The following CD38 variants were observed in gnomAD, a reference collection of about 807,000 sequenced individuals.
CD38 encodes ADP-ribosyl cyclase/cyclic ADP-ribose hydrolase 1.
CD38 carries 31 observed loss-of-function variants against 36.3 expected under a neutral mutation model. That is an observed-to-expected ratio of 0.85 (90% CI 0.64 to 1.15). The LOEUF (loss-of-function observed/expected upper bound fraction) is 1.15, where lower values mean the gene tolerates loss of function less well. Among genes scored for constraint, CD38 ranks in the 50% most tolerant of loss-of-function variants. CD38 has a pLI of 0.00. For missense variants in CD38, 380 were observed against 371.9 expected (o/e 1.02, Z -0.18); for synonymous variants, 131 against 135.2 (o/e 0.97, Z 0.22).
intron 1 of CD38, among the ~76,000 whole-genome samples, chr4:15,787,053 A>G (rs1364888153): frequency 6.6e-6 from 1 of 152,222 alleles, no homozygotes; most frequent in Non-Finnish European, 1.5e-5. Flanking sequence ...GCCCACGCCC[A>G]CCTGGAACTC....
Position 15,783,009 on chromosome 4 carries a change from T to C in CD38, c.233+4362T>C, listed in dbSNP as rs369514108. On this transcript the variant is annotated intron_variant, in intron 1 of 7. Coordinates refer to ENST00000226279, the MANE Select transcript of CD38 (RefSeq NM_001775.4). ...GTTCTTGGCGTTACCAGGTTGGTTC[T>C]TTGAGTTGAACCAGGGGCATTACAT... Among the ~76,000 whole-genome samples the C allele has an allele frequency of 1.1e-4, 17 of 152,244 alleles. No individual in the cohort carries two copies. The East Asian group carries it at 2.7e-3, about 24-fold the overall frequency.
At chr4:15,813,338 GT>G (rs999647195) in intron 1 of CD38, among the ~76,000 whole-genome samples, 5 of 151,932 alleles carry the variant, frequency 3.3e-5, no homozygotes, top group Non-Finnish European at 7.4e-5. Context: ...GTTGGATTTT[GT>G]TAATATTTTT....
chr4:15,841,712 G>GCGAGC (rs1287199015), intron 7 of CD38, among the ~76,000 whole-genome samples: 4 of 149,234 alleles, frequency 2.7e-5, no homozygotes, highest in Non-Finnish European at 5.9e-5. Context: ...CACACCGTGC[G>GCGAGC]CGAGCCGAAG....
intron 3 of CD38, among the ~76,000 whole-genome samples, chr4:15,829,396 A>G (rs1271026313): frequency 6.6e-6 from 1 of 152,118 alleles, no homozygotes; most frequent in African/African-American, 2.4e-5. Flanking sequence ...TAGTTATTTT[A>G]AAACAGGGGT....
intron 2 of CD38, 24 bp downstream of exon 2, chr4:15,816,664 T>G: frequency 1.2e-6 from 2 of 1,612,476 alleles, no homozygotes; most frequent in Non-Finnish European, 1.7e-6. Context: ...TGCCATTGAT[T>G]TTAAAACTGG....
chr4:15,806,779 T>G (rs557332367), intron 1 of CD38, among the ~76,000 whole-genome samples: 1 of 152,164 alleles, frequency 6.6e-6, no homozygotes, highest in African/African-American at 2.4e-5. Context: ...ATCTTGACAT[T>G]TGTGCCCATC....
At chr4:15,788,441 G>A (rs905412021) in intron 1 of CD38, among the ~76,000 whole-genome samples, 2 of 152,076 alleles carry the variant, frequency 1.3e-5, no homozygotes, top group Non-Finnish European at 2.9e-5. Flanking sequence ...TCAGTCCTGG[G>A]AGCTTACTTT....
intron 7 of CD38, among the ~76,000 whole-genome samples, chr4:15,841,472 CCATGAG>C (rs1394995007): frequency 6.6e-6 from 1 of 152,184 alleles, no homozygotes; most frequent in South Asian, 2.1e-4. Flanking sequence ...CCAGAAAAGG[CCATGAG>C]CATTCTACAG....
At chr4:15,824,582 C>T (rs555076381) in intron 2 of CD38, among the ~76,000 whole-genome samples, 49 of 152,182 alleles carry the variant, frequency 3.2e-4, no homozygotes, top group Middle Eastern at 3.4e-3. Flanking sequence ...ATGCCACCTC[C>T]ATATGTGATC....
At chr4:15,779,093 A>G (rs1722630453) in intron 1 of CD38, among the ~76,000 whole-genome samples, 1 of 152,048 alleles carries the variant, frequency 6.6e-6, no homozygotes. Flanking sequence ...CTGACCCGAA[A>G]GTGCCCCCGG....
At chr4:15,839,334 T>A (rs1299036122) in intron 5 of CD38, among the ~76,000 whole-genome samples, 3 of 152,006 alleles carry the variant, frequency 2.0e-5, no homozygotes, top group Non-Finnish European at 4.4e-5. Flanking sequence ...CCTCTCAAAC[T>A]TCACTGAGCA....
At chr4:15,782,975 T>C (rs3756243) in intron 1 of CD38, among the ~76,000 whole-genome samples, 15,780 of 152,160 alleles carry the variant, frequency 0.1, 1,411 homozygotes, top group African/African-American at 0.24. Context: ...TAGGTGAGTA[T>C]TGAAGCTTGT....
intron 5 of CD38, 147 bp downstream of exon 5, chr4:15,838,312 G>T: frequency 1.5e-6 from 1 of 660,624 alleles, no homozygotes; most frequent in South Asian, 1.9e-5. Context: ...GAATTCCGTG[G>T]AGAGAGTTGT....
chr4:15,823,339 A>G (rs1723779978), intron 2 of CD38, among the ~76,000 whole-genome samples: 1 of 152,272 alleles, frequency 6.6e-6, no homozygotes, highest in African/African-American at 2.4e-5. Context: ...TAATTAAACT[A>G]AAGTGCTTCT....
chr4:15,798,958 T>C (rs1466564891), intron 1 of CD38, among the ~76,000 whole-genome samples: 1 of 152,182 alleles, frequency 6.6e-6, no homozygotes, highest in African/African-American at 2.4e-5. Context: ...GCAAATAAAG[T>C]CTCCCAGTCT....
intron 1 of CD38, among the ~76,000 whole-genome samples, chr4:15,781,470 T>C (rs1044843247): frequency 6.6e-6 from 1 of 152,214 alleles, no homozygotes; most frequent in African/African-American, 2.4e-5. Flanking sequence ...CTTATATCAT[T>C]GTGAAGTCGG....
chr4:15,839,977 G>A (rs1368391171), intron 5 of CD38, 49 bp from the exon 6 acceptor site: 3 of 1,286,512 alleles, frequency 2.3e-6, no homozygotes, highest in African/African-American at 2.9e-5. Flanking sequence ...GGGTGTGGAT[G>A]CTTTCGTTTG....
At chr4:15,826,317 G>A (rs560318218) in intron 3 of CD38, among the ~76,000 whole-genome samples, 23 of 152,202 alleles carry the variant, frequency 1.5e-4, no homozygotes, top group African/African-American at 5.1e-4. Flanking sequence ...TGTGCAACTT[G>A]CTTTATTCAC....
rs1199295684 is a variant in CD38, at chr4:15,850,144, A to G, written c.*1542A>G. 1 of 152,054 alleles carries G rather than the reference A, an allele frequency of 6.6e-6. No individual in the cohort carries two copies. 9.4% of individuals were successfully genotyped at this position (152,054 alleles called of 1,614,324 possible). ...GAATAACAGTGAGACATTATCTCCA[A>G]AAAAATTACCTGGGTATGGTGTTGT... On this transcript the variant is annotated 3_prime_UTR_variant, in exon 8 of 8. Coordinates refer to ENST00000226279, the MANE Select transcript of CD38 (RefSeq NM_001775.4).
Sources: allele counts gnomAD v4.1 joint callset (sites outside exome capture counted in the v4.1 genomes callset), GRCh38; gene constraint gnomAD v4.1.1; transcripts MANE v1.5; gene names NCBI Gene and HGNC (gene_info 2026-07-23, HGNC 2026-07-21).